MIR2052HG: variants seen among roughly 807,000 people sequenced by gnomAD.
MIR2052HG encodes the protein MIR2052 host gene.
intron 4 of MIR2052HG, among the ~76,000 whole-genome samples, chr8:74,745,209 G>A (rs949589319): frequency 1.3e-5 from 2 of 152,160 alleles, no homozygotes; most frequent in Non-Finnish European, 2.9e-5. Context: ...GCTGCAGTGA[G>A]CTATGATTGT....
At chr8:74,620,240 T>C (rs566997137) in intron 2 of MIR2052HG, among the ~76,000 whole-genome samples, 2 of 152,342 alleles carry the variant, frequency 1.3e-5, no homozygotes, top group South Asian at 4.1e-4. Context: ...CTGGCTGCTT[T>C]CACTGCTGGC....
chr8:74,750,757 G>T (rs1432526944), intron 4 of MIR2052HG, among the ~76,000 whole-genome samples: 2 of 152,146 alleles, frequency 1.3e-5, no homozygotes, highest in East Asian at 1.9e-4. Flanking sequence ...GTTTTAGCAG[G>T]TTAAGTAGAT....
chr8:74,722,960 G>A (rs759447872), intron 4 of MIR2052HG, among the ~76,000 whole-genome samples: 27 of 152,162 alleles, frequency 1.8e-4, no homozygotes, highest in Non-Finnish European at 3.5e-4. Flanking sequence ...CTCATCTGCT[G>A]AGAGGTTGTC....
chr8:74,637,032 A>G (rs1483620254), intron 2 of MIR2052HG, among the ~76,000 whole-genome samples: 2 of 152,166 alleles, frequency 1.3e-5, no homozygotes, highest in Non-Finnish European at 2.9e-5. Flanking sequence ...TAGGCACATC[A>G]AAAGCAAATA....
At chr8:74,754,882 G>T (rs191858282) in intron 5 of MIR2052HG, among the ~76,000 whole-genome samples, 1 of 152,288 alleles carries the variant, frequency 6.6e-6, no homozygotes, top group East Asian at 1.9e-4. Context: ...CTAGGCAAAA[G>T]AAATAAATAT....
chr8:74,683,835 TAGAG>T (rs1809151285), intron 2 of MIR2052HG, among the ~76,000 whole-genome samples: 1 of 152,110 alleles, frequency 6.6e-6, no homozygotes, highest in Non-Finnish European at 1.5e-5. Flanking sequence ...GCTCTCCTCT[TAGAG>T]AGATCTTAGG....
chr8:74,686,702 G>T (rs1016168087), intron 2 of MIR2052HG, among the ~76,000 whole-genome samples: 17 of 152,014 alleles, frequency 1.1e-4, no homozygotes, highest in Non-Finnish European at 2.9e-5. Context: ...TATGTATATT[G>T]CTTCGAGAGT....
intron 4 of MIR2052HG, among the ~76,000 whole-genome samples, chr8:74,748,399 A>G (rs774008073): frequency 8.5e-5 from 13 of 152,212 alleles, no homozygotes; most frequent in Non-Finnish European, 1.8e-4. Flanking sequence ...TCCTATAAGC[A>G]TTTTCAATCT....
At chr8:74,658,715 T>C (rs915009532) in intron 2 of MIR2052HG, among the ~76,000 whole-genome samples, 3 of 152,208 alleles carry the variant, frequency 2.0e-5, no homozygotes, top group African/African-American at 4.8e-5. Context: ...TGCAGAATAA[T>C]GCCTGACACA....
chr8:74,692,443 G>C (rs1270597300), intron 2 of MIR2052HG, among the ~76,000 whole-genome samples: 4 of 152,192 alleles, frequency 2.6e-5, no homozygotes, highest in Non-Finnish European at 5.9e-5. Flanking sequence ...AGAACAAAGA[G>C]AATGTCACTG....
At chr8:74,613,404 T>C (rs1314791726) in intron 2 of MIR2052HG, among the ~76,000 whole-genome samples, 1 of 152,200 alleles carries the variant, frequency 6.6e-6, no homozygotes, top group African/African-American at 2.4e-5. Flanking sequence ...CCAGTGACAA[T>C]GACTGTGTTT....
intron 2 of MIR2052HG, among the ~76,000 whole-genome samples, chr8:74,665,047 T>C (rs1808907135): frequency 1.3e-5 from 2 of 152,344 alleles, no homozygotes; most frequent in South Asian, 4.1e-4. Flanking sequence ...GCTTCTCTTC[T>C]GTTACAACTT....
chr8:74,701,409 G>A (rs1034620031), intron 2 of MIR2052HG, among the ~76,000 whole-genome samples: 1 of 152,000 alleles, frequency 6.6e-6, no homozygotes, highest in Non-Finnish European at 1.5e-5. Flanking sequence ...ATGCTTCATT[G>A]TGCGGGGGTT....
chr8:74,667,211 G>A (rs1274479374), intron 2 of MIR2052HG, among the ~76,000 whole-genome samples: 1 of 152,188 alleles, frequency 6.6e-6, no homozygotes, highest in African/African-American at 2.4e-5. Context: ...GTGGAGAAAA[G>A]GGTGGGCTTA....
intron 2 of MIR2052HG, among the ~76,000 whole-genome samples, chr8:74,653,278 A>C (rs962784385): frequency 1.3e-5 from 2 of 152,214 alleles, no homozygotes; most frequent in African/African-American, 4.8e-5. Context: ...TTATTTTGCC[A>C]AGAGATTTGC....
Position 74,724,924 on chromosome 8 carries a change from A to G in MIR2052HG, n.371+21242A>G, listed in dbSNP as rs191071188. ...CTTCCCAATTCTGCTGGTAAGCACTAAAACCATAGCTCCAGATGAGAAAAT... is the reference window on the plus strand; with the variant it reads ...CTTCCCAATTCTGCTGGTAAGCACTGAAACCATAGCTCCAGATGAGAAAAT... On this transcript the variant is annotated intron_variant and non_coding_transcript_variant, in intron 4 of 6. Coordinates refer to ENST00000523442, the Ensembl canonical transcript of MIR2052HG. 4.8e-3 allele frequency among the ~76,000 whole-genome samples: 738 copies of G among 152,166 alleles called. 10 individuals carry two copies. Among genetic ancestry groups the G allele is most frequent in the African/African-American group, 0.017 (688 of 41,496 alleles).
rs1808951192 is a variant in MIR2052HG at position 74,668,113 on chromosome 8, G to A, written n.217-34266G>A. 4.6e-5 allele frequency among the ~76,000 whole-genome samples: 7 copies of A among 151,876 alleles called. No homozygotes were observed. The South Asian group carries it at 1.5e-3, about 32-fold the overall frequency. On this transcript the variant is annotated intron_variant and non_coding_transcript_variant, in intron 2 of 6. Transcript: ENST00000523442. ...GCTATAGCTTCTTTCCTACTAGGTG[G>A]AAAGAAATGTAGAAGAAGTGGCTTT...
chr8:74,719,974 G>A lies in MIR2052HG; in HGVS notation n.371+16292G>A, dbSNP rs372469904. Reference sequence around the variant, plus strand: ...GCAGTTCTCCTTGCCTCAACCTCCCGAGTAGCTGGGACTACACGTGTGTGC... The same window carrying A: ...GCAGTTCTCCTTGCCTCAACCTCCCAAGTAGCTGGGACTACACGTGTGTGC... On this transcript the variant is annotated intron_variant and non_coding_transcript_variant, in intron 4 of 6. Coordinates refer to ENST00000523442, the Ensembl canonical transcript of MIR2052HG. Among the ~76,000 whole-genome samples, 45 of 148,122 alleles carry A rather than the reference G, an allele frequency of 3.0e-4. No individual in the cohort carries two copies. In the South Asian group the frequency reaches 4.1e-3, roughly 13 times the overall value.
At chr8:74,701,492 A>G (rs1385027856) in intron 2 of MIR2052HG, among the ~76,000 whole-genome samples, 20 of 151,970 alleles carry the variant, frequency 1.3e-4, no homozygotes, top group Admixed American at 1.2e-3. Flanking sequence ...ATGCTCAGCC[A>G]AGGTAGAGTC....
Sources: gnomAD v4.1 joint callset for allele counts (sites outside exome capture counted in the v4.1 genomes callset) on GRCh38, gnomAD v4.1.1 for gene constraint, MANE v1.5 for transcripts, NCBI Gene and HGNC (gene_info 2026-07-23, HGNC 2026-07-21) for gene names.